PHF2: variants seen among roughly 807,000 people sequenced by gnomAD.
PHF2 encodes PHD finger protein 2, also known as lysine-specific demethylase PHF2.
PHF2 carries 27 observed loss-of-function variants against 120.5 expected under a neutral mutation model. The observed-to-expected ratio is 0.22, with a 90% CI of 0.17 to 0.31. The LOEUF (loss-of-function observed/expected upper bound fraction) is 0.31. PHF2 is among the 10% of genes least tolerant of loss of function. The probability of loss-of-function intolerance (pLI) is 1.00; values close to 1 mark genes in which losing one functional copy is unlikely to be tolerated. For missense variants in PHF2, 1,024 were observed against 1,434.8 expected, an observed-to-expected ratio of 0.71 and a Z score of 4.63; for synonymous variants, 568 against 592.5, an observed-to-expected ratio of 0.96 and a Z score of 0.60.
rs2118175334 is a variant in PHF2 at position 93,677,672 on chromosome 9, T to C, written c.3287T>C (p.Leu1096Pro). ...ATTCATCGGAACGGGAAACTACTCC[T>C]TTAAGATTTGGAAAGCCAGGATCCT... ...LKIHRNGKLL[L>P] The change falls in exon 22 of 22, where the codon CTT (leucine) becomes CCT (proline). Residue 1096 changes from leucine (L) to proline (P), a missense_variant. This residue lies in a region of PHF2 where 677 missense variants were observed against 857.4 expected (regional missense o/e 0.79). Transcript: ENST00000359246. The surrounding 1 kb of genome is among the most constrained non-coding windows in gnomAD (Gnocchi z 4.4). 1 of 1,612,090 alleles carries C rather than the reference T, an allele frequency of 6.2e-7. No homozygotes were observed. The highest frequency in any genetic ancestry group is 8.5e-7 in the Non-Finnish European group (1 of 1,178,340).
chr9:93,608,816 A>T (rs1278465909), intron 1 of PHF2, among the ~76,000 whole-genome samples: 1 of 151,652 alleles, frequency 6.6e-6, no homozygotes, highest in African/African-American at 2.4e-5. Context: ...GTTTTTTTAA[A>T]TTTTATTTAT....
At chr9:93,604,495 C>A (rs1032794253) in intron 1 of PHF2, among the ~76,000 whole-genome samples, 1 of 150,362 alleles carries the variant, frequency 6.7e-6, no homozygotes, top group Non-Finnish European at 1.5e-5. Context: ...GACAGAGTCT[C>A]GCTCTGTCGC....
At chr9:93,609,352 T>C (rs909441120) in intron 1 of PHF2, among the ~76,000 whole-genome samples, 1 of 152,196 alleles carries the variant, frequency 6.6e-6, no homozygotes, top group African/African-American at 2.4e-5. Context: ...CCTCACTTGT[T>C]ACTTCCCTAA....
chr9:93,636,892 C>CAGG (rs1826102731), intron 3 of PHF2, among the ~76,000 whole-genome samples: 4 of 151,936 alleles, frequency 2.6e-5, no homozygotes, highest in African/African-American at 9.7e-5. Flanking sequence ...CTCCCATGGC[C>CAGG]CAGGCAGGCG....
intron 1 of PHF2, among the ~76,000 whole-genome samples, chr9:93,606,476 C>A (rs1825544714): frequency 6.6e-6 from 1 of 152,176 alleles, no homozygotes; most frequent in Non-Finnish European, 1.5e-5. Context: ...TGTGGAACAT[C>A]TTTTCATGTA....
intron 1 of PHF2, among the ~76,000 whole-genome samples, chr9:93,591,268 A>G (rs183366006): frequency 4.6e-5 from 7 of 152,354 alleles, no homozygotes; most frequent in Admixed American, 2.0e-4. Flanking sequence ...TCTAGATGCC[A>G]AATGTGTATT....
intron 1 of PHF2, among the ~76,000 whole-genome samples, chr9:93,626,377 C>G (rs930354326): frequency 6.6e-6 from 1 of 152,170 alleles, no homozygotes; most frequent in Non-Finnish European, 1.5e-5. Flanking sequence ...TTGCATATTT[C>G]TTTGAAGAAA....
At chr9:93,649,242 G>A (rs1444489827) in intron 5 of PHF2, 30 bp downstream of exon 5, 1 of 1,541,184 alleles carries the variant, frequency 6.5e-7, no homozygotes, top group Non-Finnish European at 8.8e-7. Flanking sequence ...GGGTGTGGGG[G>A]CTGGGGTTGG....
chr9:93,636,673 A>G (rs753273729), intron 3 of PHF2, 148 bp downstream of exon 3: 32 of 664,900 alleles, frequency 4.8e-5, no homozygotes, highest in Middle Eastern at 4.2e-4. Context: ...TGGAGGCAGC[A>G]TAGCCTGCAC....
intron 3 of PHF2, among the ~76,000 whole-genome samples, chr9:93,641,977 G>C (rs1168060318): frequency 6.6e-6 from 1 of 152,166 alleles, no homozygotes; most frequent in African/African-American, 2.4e-5. Context: ...GAGGTAGGAA[G>C]AACTTTATTC....
At chr9:93,626,339 A>C (rs1238645346) in intron 1 of PHF2, among the ~76,000 whole-genome samples, 1 of 152,202 alleles carries the variant, frequency 6.6e-6, no homozygotes, top group African/African-American at 2.4e-5. Flanking sequence ...GAGAATGTTG[A>C]GCTTCTTTTC....
chr9:93,594,642 G>T (rs1286987062), intron 1 of PHF2, among the ~76,000 whole-genome samples: 1 of 152,196 alleles, frequency 6.6e-6, no homozygotes, highest in African/African-American at 2.4e-5. Flanking sequence ...TAAGCTCCCA[G>T]TCACTGCTCC....
chr9:93,674,868 C>T (rs1826879744), intron 18 of PHF2, 59 bp from the exon 19 acceptor site: 2 of 1,291,938 alleles, frequency 1.5e-6, no homozygotes, highest in Admixed American at 1.7e-5. Context: ...CCCCCCCGCC[C>T]TCCTCCGTGG....
At chr9:93,593,062 T>C (rs1825258227) in intron 1 of PHF2, among the ~76,000 whole-genome samples, 1 of 144,672 alleles carries the variant, frequency 6.9e-6, no homozygotes, top group East Asian at 2.0e-4. Flanking sequence ...ATCCTAATCT[T>C]TGCTTTTCTT....
chr9:93,596,150 C>A (rs1386091027), intron 1 of PHF2, among the ~76,000 whole-genome samples: 2 of 152,146 alleles, frequency 1.3e-5, no homozygotes, highest in Admixed American at 1.3e-4. Context: ...GGGGGCTGTC[C>A]TGGGAAGCTG....
intron 17 of PHF2, among the ~76,000 whole-genome samples, chr9:93,672,966 G>A (rs1434801290): frequency 6.6e-6 from 1 of 151,596 alleles, no homozygotes; most frequent in Non-Finnish European, 1.5e-5. Context: ...ATAGGAGTAG[G>A]TGCAGGTGTA....
chr9:93,593,932 A>G (rs551927845), intron 1 of PHF2, among the ~76,000 whole-genome samples: 1 of 152,374 alleles, frequency 6.6e-6, no homozygotes, highest in Admixed American at 6.5e-5. Flanking sequence ...TTTGTTTTCC[A>G]AGAGCTTAAT....
chr9:93,592,910 C>T (rs1825255394), intron 1 of PHF2, among the ~76,000 whole-genome samples: 2 of 152,104 alleles, frequency 1.3e-5, no homozygotes, highest in African/African-American at 4.8e-5. Context: ...CCCAGACTCC[C>T]TCTCCAACTG....
chr9:93,598,428 A>T (rs937980125), intron 1 of PHF2, among the ~76,000 whole-genome samples: 1 of 152,152 alleles, frequency 6.6e-6, no homozygotes, highest in Non-Finnish European at 1.5e-5. Flanking sequence ...CTGTCAGTCC[A>T]TGGGGCCCCG....
Sources: gnomAD v4.1 joint callset for allele counts (sites outside exome capture counted in the v4.1 genomes callset) on GRCh38, gnomAD v4.1.1 for gene constraint, gnomAD v4.1.1 regional missense constraint, Gnocchi (gnomAD v3.1) non-coding constraint, MANE v1.5 for transcripts, NCBI Gene and HGNC (gene_info 2026-07-23, HGNC 2026-07-21) for gene names.